Variants in SMIM31 observed in about 807,000 individuals in gnomAD.
SMIM31 encodes small integral membrane protein 31, also known as human epithelial cell program regulator.
intron 2 of SMIM31, among the ~76,000 whole-genome samples, chr4:164,774,424 A>G (rs2110937819): frequency 6.6e-6 from 1 of 152,334 alleles, no homozygotes; most frequent in East Asian, 1.9e-4. Flanking sequence ...GCTTAATAGA[A>G]TTAGACCACC....
At chr4:164,797,964 CT>C (rs1326172956) in intron 2 of SMIM31, among the ~76,000 whole-genome samples, 4 of 152,068 alleles carry the variant, frequency 2.6e-5, no homozygotes, top group Non-Finnish European at 5.9e-5. Context: ...TATCTCTCAC[CT>C]ATAAGTGAGA....
chr4:164,783,252 T>G (rs753216690), intron 2 of SMIM31, among the ~76,000 whole-genome samples: 9 of 137,756 alleles, frequency 6.5e-5, no homozygotes, highest in African/African-American at 2.4e-4. Context: ...GGCCGGGTGC[T>G]GTGGCTCACA....
chr4:164,760,947 T>C (rs1732641666), intron 1 of SMIM31, among the ~76,000 whole-genome samples: 1 of 152,078 alleles, frequency 6.6e-6, no homozygotes, highest in Non-Finnish European at 1.5e-5. Context: ...GTTTGAGAAA[T>C]AGTATGTACA....
intron 1 of SMIM31, among the ~76,000 whole-genome samples, chr4:164,763,981 T>C (rs959361523): frequency 1.3e-5 from 2 of 152,334 alleles, no homozygotes; most frequent in Middle Eastern, 3.4e-3. Context: ...GCTATATCTA[T>C]CTTTAGTTTC....
intron 2 of SMIM31, among the ~76,000 whole-genome samples, chr4:164,791,185 CA>C (rs1301576829): frequency 6.6e-6 from 1 of 151,904 alleles, no homozygotes; most frequent in African/African-American, 2.4e-5. Flanking sequence ...TTCTTATTCT[CA>C]ATAAATGTAT....
chr4:164,770,069 C>A (rs1732773203), intron 1 of SMIM31, among the ~76,000 whole-genome samples: 1 of 152,134 alleles, frequency 6.6e-6, no homozygotes, highest in South Asian at 2.1e-4. Context: ...ATAGCTCAAG[C>A]TTTTTCAAGT....
chr4:164,791,167 C>T (rs1733095746), intron 2 of SMIM31, among the ~76,000 whole-genome samples: 1 of 151,920 alleles, frequency 6.6e-6, no homozygotes, highest in East Asian at 1.9e-4. Context: ...TTATCTTGGA[C>T]TGTTTTTTTC....
chr4:164,797,871 C>A (rs1322117441), intron 2 of SMIM31, among the ~76,000 whole-genome samples: 1 of 152,088 alleles, frequency 6.6e-6, no homozygotes, highest in Non-Finnish European at 1.5e-5. Flanking sequence ...AATTTTCAAC[C>A]CTCACTACTC....
intron 1 of SMIM31, among the ~76,000 whole-genome samples, chr4:164,764,465 G>A (rs1294832924): frequency 1.3e-5 from 2 of 151,940 alleles, no homozygotes; most frequent in Admixed American, 1.3e-4. Flanking sequence ...TACTCGGGAG[G>A]CTGAGGCAGG....
intron 2 of SMIM31, among the ~76,000 whole-genome samples, chr4:164,789,911 T>C (rs759761893): frequency 6.6e-6 from 1 of 152,244 alleles, no homozygotes; most frequent in Non-Finnish European, 1.5e-5. Context: ...AACTGTTATG[T>C]AGAATGTCTG....
intron 2 of SMIM31, 70 bp from the exon 3 acceptor site, chr4:164,801,021 C>T: frequency 2.5e-6 from 1 of 396,718 alleles, no homozygotes; most frequent in Non-Finnish European, 4.4e-6. Context: ...CTTCTTATAA[C>T]CGAAGTTAAT....
chr4:164,790,604 G>A (rs997155549), intron 2 of SMIM31, among the ~76,000 whole-genome samples: 2 of 152,002 alleles, frequency 1.3e-5, no homozygotes, highest in African/African-American at 4.8e-5. Context: ...AAACCTCAAA[G>A]TGACTAAATT....
intron 2 of SMIM31, among the ~76,000 whole-genome samples, chr4:164,794,395 A>G (rs1420618576): frequency 6.6e-6 from 1 of 151,954 alleles, no homozygotes; most frequent in East Asian, 2.0e-4. Context: ...AAGAAAAAAG[A>G]AGAAGAAGAA....
At position 164,755,436 on chromosome 4, in the gene SMIM31, C is replaced by T. The variant is rs533806517; in HGVS notation, c.-26+1025C>T. Among the ~76,000 whole-genome samples the T allele has an allele frequency of 1.8e-3, 262 of 148,300 alleles. 1 individual carries two copies. Among genetic ancestry groups the T allele is most frequent in the Middle Eastern group, 3.4e-3 (1 of 294 alleles). Reference sequence around the variant, plus strand: ...CGGAGGTTACCATGAACTGAGACCACGCCACTGCACTCCAGCCTGGGCTAC... The same window carrying T: ...CGGAGGTTACCATGAACTGAGACCATGCCACTGCACTCCAGCCTGGGCTAC... On this transcript the variant is annotated intron_variant, in intron 1 of 2. Transcript: ENST00000507311.
intron 1 of SMIM31, among the ~76,000 whole-genome samples, chr4:164,764,208 G>A (rs1732688512): frequency 6.6e-6 from 1 of 152,106 alleles, no homozygotes; most frequent in Non-Finnish European, 1.5e-5. Context: ...GGCATGGATT[G>A]CCCTATATGT....
chr4:164,759,417 TA>T (rs1418876986), intron 1 of SMIM31, among the ~76,000 whole-genome samples: 1 of 152,190 alleles, frequency 6.6e-6, no homozygotes, highest in Non-Finnish European at 1.5e-5. Flanking sequence ...CTTTATTTGG[TA>T]TGTTACATAT....
intron 2 of SMIM31, among the ~76,000 whole-genome samples, chr4:164,800,817 G>GAGGC (rs1045149495): frequency 1.7e-4 from 26 of 152,110 alleles, no homozygotes; most frequent in South Asian, 2.1e-4. Context: ...TCTTAGTTCA[G>GAGGC]AGGCAGTTCA....
In SMIM31 at chr4:164,792,009, C is replaced by T. The variant is rs566045503; in HGVS notation, c.113-9082C>T. On this transcript the variant is annotated intron_variant, in intron 2 of 2. Coordinates refer to ENST00000507311, the MANE Select transcript of SMIM31 (RefSeq NM_001352885.1). ...ACAAGATTTTCTGGGCAAGCTGATG[C>T]TTTAGATCCTTGCTACACAAAGTTC... 3.3e-5 allele frequency among the ~76,000 whole-genome samples: 5 copies of T among 152,306 alleles called. No individual in the cohort carries two copies. The East Asian group carries it at 9.6e-4, about 29-fold the overall frequency.
intron 1 of SMIM31, among the ~76,000 whole-genome samples, chr4:164,759,735 G>C (rs1178660272): frequency 6.6e-6 from 1 of 152,128 alleles, no homozygotes. Flanking sequence ...TATCTAGCCA[G>C]GTACTATTCC....
Sources: allele counts gnomAD v4.1 joint callset (sites outside exome capture counted in the v4.1 genomes callset), GRCh38; gene constraint gnomAD v4.1.1; transcripts MANE v1.5; gene names NCBI Gene and HGNC (gene_info 2026-07-23, HGNC 2026-07-21).